The following SPIDR variants were observed in gnomAD, a reference collection of about 807,000 sequenced individuals.
SPIDR encodes DNA repair-scaffolding protein.
Under a neutral mutation model 104.6 loss-of-function variants are expected in SPIDR, and 93 were observed. The observed-to-expected ratio is 0.89, with a 90% CI of 0.75 to 1.06. The LOEUF (loss-of-function observed/expected upper bound fraction) is 1.06, where lower values mean the gene tolerates loss of function less well. SPIDR is among the 50% of genes least tolerant of loss of function. The probability of loss-of-function intolerance (pLI) is 0.00; values close to 1 mark genes in which losing one functional copy is unlikely to be tolerated. For missense variants in SPIDR, 1,154 were observed against 1,111.2 expected (o/e 1.04, Z -0.55); for synonymous variants, 431 against 416.9 (o/e 1.03, Z -0.41).
chr8:47,611,645 C>G (rs1224943778), intron 10 of SPIDR, among the ~76,000 whole-genome samples: 1 of 151,904 alleles, frequency 6.6e-6, no homozygotes, highest in African/African-American at 2.4e-5. Flanking sequence ...TTGCAGTGAG[C>G]CCAGATCACA....
rs767477984 is a variant in SPIDR, at chr8:47,728,936, C to T, written c.2439C>T (p.Gly813=). The change falls in exon 18 of 20, where the codon GGC becomes GGT. Residue 813 remains glycine, a synonymous_variant. Coordinates refer to ENST00000297423, the MANE Select transcript of SPIDR (RefSeq NM_001080394.4). ...GRLEQRPEDR[G]AFSCGDCSRV... is the part of the protein sequence containing the mutation. ...TCCTTGGCTTTTCATATACCAGAGG[C>T]GCCTTTTCCTGTGGGGACTGCTCCC... 2.9e-5 allele frequency: 46 copies of T among 1,607,608 alleles called. 1 individual carries two copies. The highest frequency in any genetic ancestry group is 3.3e-5 in the South Asian group (3 of 90,590).
intron 1 of SPIDR, among the ~76,000 whole-genome samples, chr8:47,272,108 C>G (rs2035450746): frequency 1.3e-5 from 2 of 152,080 alleles, no homozygotes; most frequent in Non-Finnish European, 2.9e-5. Context: ...GCTGGGATTA[C>G]AGGTGCGCGC....
chr8:47,540,017 G>T (rs1361708143), intron 8 of SPIDR, among the ~76,000 whole-genome samples: 2 of 152,152 alleles, frequency 1.3e-5, no homozygotes, highest in African/African-American at 4.8e-5. Context: ...CAGTTTTGCT[G>T]AATTTATTGC....
At chr8:47,596,856 CTT>C (rs1010476175) in intron 9 of SPIDR, among the ~76,000 whole-genome samples, 25 of 151,600 alleles carry the variant, frequency 1.6e-4, no homozygotes, top group African/African-American at 5.6e-4. Context: ...ACTTTTAAAA[CTT>C]TTTTTGTTGT....
At chr8:47,429,089 T>C (rs1411544159) in intron 7 of SPIDR, among the ~76,000 whole-genome samples, 2 of 152,222 alleles carry the variant, frequency 1.3e-5, no homozygotes, top group East Asian at 3.8e-4. Flanking sequence ...ACTAGTTTGT[T>C]CACTGTTAGA....
intron 3 of SPIDR, among the ~76,000 whole-genome samples, chr8:47,286,605 A>G (rs935491575): frequency 6.6e-5 from 10 of 152,136 alleles, no homozygotes; most frequent in Non-Finnish European, 1.3e-4. Flanking sequence ...TTACATGTAC[A>G]TACACAAAAT....
chr8:47,685,196 G>A (rs1225994972), intron 11 of SPIDR, among the ~76,000 whole-genome samples: 1 of 152,080 alleles, frequency 6.6e-6, no homozygotes, highest in Non-Finnish European at 1.5e-5. Context: ...GGCAACAAGA[G>A]CAAAACTCCG....
chr8:47,391,374 C>CA (rs1158233894), intron 5 of SPIDR, among the ~76,000 whole-genome samples: 3 of 150,010 alleles, frequency 2.0e-5, no homozygotes, highest in East Asian at 2.0e-4. Context: ...CTTGTCTCTA[C>CA]AAAAAAAAAT....
At chr8:47,674,489 T>C (rs2076172983) in intron 11 of SPIDR, among the ~76,000 whole-genome samples, 2 of 152,094 alleles carry the variant, frequency 1.3e-5, no homozygotes. Flanking sequence ...ATCATTCTAA[T>C]CTATGAATTA....
At chr8:47,512,615 G>A (rs534954383) in intron 8 of SPIDR, among the ~76,000 whole-genome samples, 1 of 152,304 alleles carries the variant, frequency 6.6e-6, no homozygotes, top group South Asian at 2.1e-4. Flanking sequence ...ACCACGGAGA[G>A]GTGGAATGTG....
intron 2 of SPIDR, among the ~76,000 whole-genome samples, chr8:47,280,643 T>A (rs1245075733): frequency 6.6e-6 from 1 of 152,154 alleles, no homozygotes; most frequent in African/African-American, 2.4e-5. Context: ...TCCACCCACC[T>A]TGGCCTCCAA....
At chr8:47,348,301 G>T (rs2052610092) in intron 5 of SPIDR, among the ~76,000 whole-genome samples, 1 of 152,134 alleles carries the variant, frequency 6.6e-6, no homozygotes, top group Non-Finnish European at 1.5e-5. Flanking sequence ...CTTGCAGAGT[G>T]TCTGCCGAGA....
chr8:47,685,806 C>A (rs938912635), intron 11 of SPIDR, among the ~76,000 whole-genome samples: 1 of 151,860 alleles, frequency 6.6e-6, no homozygotes, highest in Non-Finnish European at 1.5e-5. Context: ...CCCACCTCGG[C>A]CTCCCAAAGT....
chr8:47,574,203 A>G (rs1460702147), intron 8 of SPIDR, among the ~76,000 whole-genome samples: 1 of 152,152 alleles, frequency 6.6e-6, no homozygotes. Context: ...TCTTGTGGTC[A>G]TTGTCTTCCA....
At chr8:47,442,641 G>A (rs2069663855) in intron 8 of SPIDR, among the ~76,000 whole-genome samples, 1 of 152,110 alleles carries the variant, frequency 6.6e-6, no homozygotes, top group Non-Finnish European at 1.5e-5. Context: ...TCACCCCTTA[G>A]TTTTACTCCC....
intron 10 of SPIDR, among the ~76,000 whole-genome samples, chr8:47,624,792 G>T (rs140445582): frequency 5.9e-5 from 9 of 152,070 alleles, no homozygotes; most frequent in African/African-American, 2.2e-4. Flanking sequence ...ATTCAAAGCC[G>T]AATTCTACCA....
chr8:47,437,103 T>G (rs1207617440), intron 7 of SPIDR, among the ~76,000 whole-genome samples: 1 of 152,228 alleles, frequency 6.6e-6, no homozygotes, highest in African/African-American at 2.4e-5. Flanking sequence ...AGAAATCTTT[T>G]TTTTTTATAC....
intron 3 of SPIDR, among the ~76,000 whole-genome samples, chr8:47,285,764 A>G (rs992734955): frequency 1.3e-5 from 2 of 152,156 alleles, no homozygotes; most frequent in African/African-American, 2.4e-5. Context: ...TTTGAAGACC[A>G]TGTCTTCAAA....
chr8:47,644,859 G>A (rs1041304054), intron 10 of SPIDR, among the ~76,000 whole-genome samples: 4 of 152,160 alleles, frequency 2.6e-5, no homozygotes, highest in South Asian at 4.1e-4. Context: ...GAAACCTAAC[G>A]GATGAAGTGG....
Sources: gnomAD v4.1 joint callset for allele counts (sites outside exome capture counted in the v4.1 genomes callset) on GRCh38, gnomAD v4.1.1 for gene constraint, MANE v1.5 for transcripts, NCBI Gene and HGNC (gene_info 2026-07-23, HGNC 2026-07-21) for gene names.